Variants in TAS1R2 observed in about 807,000 individuals in gnomAD.
The protein encoded by TAS1R2 is taste 1 receptor member 2.
TAS1R2 carries 47 observed loss-of-function variants against 49.3 expected under a neutral mutation model. The ratio of observed to expected loss-of-function variants is 0.95; its 90% CI spans 0.75 to 1.22. The LOEUF (loss-of-function observed/expected upper bound fraction) is 1.22, where lower values mean the gene tolerates loss of function less well. TAS1R2 is among the 50% of genes most tolerant of loss of function. The probability of loss-of-function intolerance (pLI) is 0.00; values close to 1 mark genes in which losing one functional copy is unlikely to be tolerated. For synonymous variants in TAS1R2, 479 were observed against 467.9 expected (o/e 1.02, Z -0.31); for missense variants, 1,155 against 1,122.1 (o/e 1.03, Z -0.42).
exon 6 of TAS1R2, chr1:18,840,146 G>A (rs1933791908): frequency 1.2e-6 from 2 of 1,614,154 alleles, no homozygotes; most frequent in Admixed American, 1.7e-5. Flanking sequence ...CATCTTGAAG[G>A]CGCAGACGAT....
At chr1:18,850,392 A>G (rs561130693) in intron 3 of TAS1R2, among the ~76,000 whole-genome samples, 95 of 152,302 alleles carry the variant, frequency 6.2e-4, no homozygotes, top group Admixed American at 2.0e-3. Flanking sequence ...ACTGATACAC[A>G]CAGACAGGTA....
At chr1:18,843,394 C>T (rs1933861591) in intron 4 of TAS1R2, among the ~76,000 whole-genome samples, 1 of 152,200 alleles carries the variant, frequency 6.6e-6, no homozygotes, top group Non-Finnish European at 1.5e-5. Flanking sequence ...AATGCCAGGA[C>T]ATCCATTCTA....
chr1:18,849,177 G>A (rs1286899146), intron 4 of TAS1R2, 164 bp downstream of exon 4: 3 of 752,528 alleles, frequency 4.0e-6, no homozygotes, highest in South Asian at 1.9e-5. Context: ...CCAATCAATG[G>A]GGGAAGGAAA....
chr1:18,850,431 C>T (rs1031326124), intron 3 of TAS1R2, among the ~76,000 whole-genome samples: 1 of 152,262 alleles, frequency 6.6e-6, no homozygotes, highest in East Asian at 1.9e-4. Flanking sequence ...TGGCCTTCTC[C>T]CTTCCCTGCC....
rs372361461 is a variant in TAS1R2 at position 18,854,804 on chromosome 1, C to A, written c.666G>T (p.Leu222=). 480 of 1,606,418 alleles carry A rather than the reference C, an allele frequency of 3.0e-4. 1 individual carries two copies. Among genetic ancestry groups the A allele is most frequent in the Non-Finnish European group, 3.7e-4 (439 of 1,178,958 alleles). Reference sequence around the variant, plus strand: ...CGCGCCGGGCCACGCGCTCGCCAAGCAGCTGGCCATTGTCGCGGCCATAGG... The same window carrying A: ...CGCGCCGGGCCACGCGCTCGCCAAGAAGCTGGCCATTGTCGCGGCCATAGG... The change falls in exon 3 of 6, where the codon CTG becomes CTT. Residue 222 remains leucine (L), a synonymous_variant. Coordinates refer to ENST00000375371, the Ensembl canonical transcript of TAS1R2. The surrounding 1 kb of genome is among the most constrained non-coding windows in gnomAD (Gnocchi z 4.9).
chr1:18,841,984 GAAA>G, intron 4 of TAS1R2, 132 bp from the exon 5 acceptor site: 42 of 341,452 alleles, frequency 1.2e-4, no homozygotes, highest in South Asian at 3.5e-4. Context: ...GGAAACTGTA[GAAA>G]AAAAAAAAAA....
At chr1:18,845,218 A>C (rs1282299529) in intron 4 of TAS1R2, among the ~76,000 whole-genome samples, 2 of 152,212 alleles carry the variant, frequency 1.3e-5, no homozygotes, top group African/African-American at 4.8e-5. Context: ...ATGTGACCAC[A>C]GGCTCCACTG....
chr1:18,848,405 C>G (rs751879317), intron 4 of TAS1R2, among the ~76,000 whole-genome samples: 1 of 152,088 alleles, frequency 6.6e-6, no homozygotes, highest in Non-Finnish European at 1.5e-5. Flanking sequence ...TCCTGGGGAG[C>G]TGGAAAGCCC....
intron 3 of TAS1R2, among the ~76,000 whole-genome samples, chr1:18,851,132 C>A (rs1466136594): frequency 6.6e-6 from 1 of 152,186 alleles, no homozygotes. Flanking sequence ...GCCCAGCTCA[C>A]CGCCACCTGC....
At position 18,854,381 on chromosome 1, in the gene TAS1R2, G is replaced by A. The variant is rs761755994; in HGVS notation, c.1089C>T (p.Cys363=). The change falls in exon 3 of 6, where the codon TGC becomes TGT. Residue 363 remains cysteine, a synonymous_variant. Transcript: ENST00000375371. The surrounding 1 kb of genome is among the most constrained non-coding windows in gnomAD (Gnocchi z 4.9). The stretch of plus-strand genomic sequence containing the variant: ...ACAAGGTGGCGTTCAGGCAGTTGTC[G>A]CACTCCTGGTTGCAGGTATAGCTCT... 4.8e-5 allele frequency: 77 copies of A among 1,613,672 alleles called. No homozygotes were observed. The highest frequency in any genetic ancestry group is 1.6e-4 in the Middle Eastern group (1 of 6,082).
At chr1:18,841,900 TG>T (rs949151684) in intron 4 of TAS1R2, 48 bp from the exon 5 acceptor site, 47 of 1,476,692 alleles carry the variant, frequency 3.2e-5, no homozygotes, top group Non-Finnish European at 4.2e-5. Context: ...TCCCACATTC[TG>T]GGGGCCCCCT....
chr1:18,841,908 C>A, intron 4 of TAS1R2, 56 bp from the exon 5 acceptor site: 1 of 1,510,474 alleles, frequency 6.6e-7, no homozygotes, highest in Non-Finnish European at 9.0e-7. Context: ...TCTGGGGGCC[C>A]CCTCCCCTCT....
chr1:18,859,495 C>T (rs775910263), exon 1 of TAS1R2: 12 of 1,614,092 alleles, frequency 7.4e-6, no homozygotes, highest in Non-Finnish European at 1.0e-5. Flanking sequence ...CACATGGGCA[C>T]CTGCAGGAAG....
At position 18,840,537 on chromosome 1, in the gene TAS1R2, C is replaced by T; in HGVS notation, c.1592-10G>A. ...TGGCATTCATATTCATCTGCAAAAG[C>T]CACAGCGACTCCCATTAGCCAAGCC... On this transcript the variant is annotated splice_polypyrimidine_tract_variant and intron_variant, in intron 5 of 5. Coordinates refer to ENST00000375371, the Ensembl canonical transcript of TAS1R2. The T allele has an allele frequency of 6.2e-7, 1 of 1,614,144 alleles. No homozygotes were observed. The highest frequency in any genetic ancestry group is 1.1e-5 in the South Asian group (1 of 91,070).
chr1:18,850,548 C>T (rs933961127), intron 3 of TAS1R2, among the ~76,000 whole-genome samples: 4 of 152,260 alleles, frequency 2.6e-5, no homozygotes, highest in East Asian at 1.9e-4. Context: ...ACCAGGTGGT[C>T]GGCCTGAGGA....
intron 4 of TAS1R2, among the ~76,000 whole-genome samples, chr1:18,847,541 G>A (rs1933942507): frequency 8.0e-6 from 1 of 125,360 alleles, no homozygotes; most frequent in Non-Finnish European, 1.8e-5. Context: ...AGAGGGTGCA[G>A]GCTATTAGCA....
exon 2 of TAS1R2, chr1:18,857,553 G>A: frequency 6.2e-7 from 1 of 1,614,194 alleles, no homozygotes. Context: ...CAGGCAGCAG[G>A]CTGCTGTCAT....
chr1:18,854,258 G>A lies in TAS1R2; in HGVS notation c.1212C>T (p.Gly404=). The change falls in exon 3 of 6, where the codon GGC becomes GGT. Residue 404 remains glycine (G), a synonymous_variant. Transcript: ENST00000375371. The surrounding 1 kb of genome is among the most constrained non-coding windows in gnomAD (Gnocchi z 4.9). Reference sequence around the variant, plus strand: ...TCTTGGTGCAGGTGCTTTTGTCACAGCCGAGGAGGCTGTGCAGGGCATGGG... The same window carrying A: ...TCTTGGTGCAGGTGCTTTTGTCACAACCGAGGAGGCTGTGCAGGGCATGGG... 2 of 1,614,168 alleles carry A rather than the reference G, an allele frequency of 1.2e-6. No individual in the cohort carries two copies. The highest frequency in any genetic ancestry group is 1.7e-6 in the Non-Finnish European group (2 of 1,180,014).
chr1:18,854,459 C>T lies in TAS1R2; in HGVS notation c.1011G>A (p.Glu337=), dbSNP rs538912758. The change falls in exon 3 of 6, where the codon GAG becomes GAA. Residue 337 remains glutamate (E), a synonymous_variant. Coordinates refer to ENST00000375371, the Ensembl canonical transcript of TAS1R2. This position sits in a 1 kb window ranked among gnomAD's most constrained non-coding sequence, Gnocchi z 4.9. ...CAGCCTGTGGGCCCCACTCGCGGAA[C>T]TCACTGAAGCCCGGGATGGGCACGC... The T allele has an allele frequency of 1.7e-5, 27 of 1,614,210 alleles. No individual in the cohort carries two copies. In the South Asian group the frequency reaches 2.9e-4, roughly 17 times the overall value.
Sources: gnomAD v4.1 joint callset for allele counts (sites outside exome capture counted in the v4.1 genomes callset) on GRCh38, gnomAD v4.1.1 for gene constraint, Gnocchi (gnomAD v3.1) non-coding constraint, MANE v1.5 for transcripts, NCBI Gene and HGNC (gene_info 2026-07-23, HGNC 2026-07-21) for gene names.